The following TRAPPC9 variants were observed in gnomAD, a reference collection of about 807,000 sequenced individuals.
The protein encoded by TRAPPC9 is IKK2 binding protein.
TRAPPC9 carries 83 observed loss-of-function variants against 124.0 expected under a neutral mutation model. The observed-to-expected ratio is 0.67, with a 90% confidence interval of 0.56 to 0.80. TRAPPC9 has a LOEUF of 0.80. TRAPPC9 is among the 30% of genes least tolerant of loss of function. The probability of loss-of-function intolerance (pLI) is 0.00; values close to 1 mark genes in which losing one functional copy is unlikely to be tolerated. For missense variants in TRAPPC9, 1,302 were observed against 1,508.3 expected (o/e 0.86, Z 2.27); for synonymous variants, 638 against 617.5 (o/e 1.03, Z -0.49).
intron 21 of TRAPPC9, among the ~76,000 whole-genome samples, chr8:139,762,163 C>T (rs1820279626): frequency 6.6e-6 from 1 of 151,750 alleles, no homozygotes; most frequent in South Asian, 2.1e-4. Flanking sequence ...GGCCAGCTTT[C>T]AGCAGCCTGC....
chr8:140,431,681 A>C (rs942964919), intron 4 of TRAPPC9, among the ~76,000 whole-genome samples: 1 of 152,192 alleles, frequency 6.6e-6, no homozygotes, highest in Non-Finnish European at 1.5e-5. Context: ...TACAAAGCAG[A>C]AATTAGGAGC....
chr8:140,233,654 A>ACACACACAC (rs1563868284), intron 16 of TRAPPC9, among the ~76,000 whole-genome samples: 35 of 38,234 alleles, frequency 9.2e-4, no homozygotes, highest in African/African-American at 2.9e-3. Flanking sequence ...CACACACATA[A>ACACACACAC]ACACACCCTC....
intron 21 of TRAPPC9, among the ~76,000 whole-genome samples, chr8:139,824,400 T>C (rs1260844074): frequency 6.6e-6 from 1 of 152,128 alleles, no homozygotes; most frequent in African/African-American, 2.4e-5. Context: ...GGCTAAGGCC[T>C]TGGAGCTGCC....
At chr8:140,425,485 A>G (rs1188292142) in intron 5 of TRAPPC9, among the ~76,000 whole-genome samples, 1 of 152,156 alleles carries the variant, frequency 6.6e-6, no homozygotes, top group African/African-American at 2.4e-5. Flanking sequence ...ACCTCTACAC[A>G]ACCTTATCTT....
intron 17 of TRAPPC9, among the ~76,000 whole-genome samples, chr8:140,112,733 C>G (rs1156533152): frequency 6.6e-6 from 1 of 152,174 alleles, no homozygotes; most frequent in East Asian, 1.9e-4. Context: ...TTAGAGGCCC[C>G]TTTTAATAGG....
intron 17 of TRAPPC9, among the ~76,000 whole-genome samples, chr8:140,062,262 T>C (rs1354022619): frequency 1.3e-5 from 2 of 151,988 alleles, no homozygotes; most frequent in Non-Finnish European, 2.9e-5. Flanking sequence ...GTCATTCCCC[T>C]CCTCCGAGAT....
intron 9 of TRAPPC9, among the ~76,000 whole-genome samples, chr8:140,345,349 A>G (rs1379208999): frequency 6.6e-6 from 1 of 152,206 alleles, no homozygotes; most frequent in African/African-American, 2.4e-5. Context: ...GGCAGGAGCC[A>G]TCAATCCTAA....
chr8:139,757,209 G>A (rs1301959793), intron 21 of TRAPPC9, among the ~76,000 whole-genome samples: 1 of 141,918 alleles, frequency 7.0e-6, no homozygotes, highest in Non-Finnish European at 1.5e-5. Context: ...GAGGAGCCAG[G>A]GTTGGGGATG....
intron 1 of TRAPPC9, among the ~76,000 whole-genome samples, chr8:140,453,140 C>G (rs1431556294): frequency 1.3e-5 from 2 of 151,994 alleles, no homozygotes; most frequent in Non-Finnish European, 2.9e-5. Context: ...CTCTCTGTAT[C>G]AAATAAGAAA....
chr8:139,804,400 C>T (rs573902474), intron 21 of TRAPPC9, among the ~76,000 whole-genome samples: 2 of 128,826 alleles, frequency 1.6e-5, no homozygotes, highest in African/African-American at 6.0e-5. Flanking sequence ...CACCACCACA[C>T]ACACAACCAC....
chr8:140,408,498 T>C (rs955650594), intron 5 of TRAPPC9, among the ~76,000 whole-genome samples: 5 of 152,058 alleles, frequency 3.3e-5, no homozygotes, highest in Non-Finnish European at 7.4e-5. Context: ...GGTTTGCCTT[T>C]CTCTCCTAGA....
chr8:140,419,851 A>C (rs919865876), intron 5 of TRAPPC9, among the ~76,000 whole-genome samples: 1 of 152,038 alleles, frequency 6.6e-6, no homozygotes, highest in Admixed American at 6.6e-5. Flanking sequence ...GCGCCACTGC[A>C]CTCCAGATCG....
chr8:140,083,815 G>C (rs1325532724), intron 17 of TRAPPC9, among the ~76,000 whole-genome samples: 1 of 151,916 alleles, frequency 6.6e-6, no homozygotes, highest in Non-Finnish European at 1.5e-5. Context: ...TACAGGCACG[G>C]GCCACCACAT....
At chr8:139,850,695 C>A (rs1586984384) in intron 21 of TRAPPC9, among the ~76,000 whole-genome samples, 2 of 152,228 alleles carry the variant, frequency 1.3e-5, no homozygotes, top group East Asian at 3.9e-4. Flanking sequence ...GGCCATCTAC[C>A]CACTCATCAG....
intron 17 of TRAPPC9, among the ~76,000 whole-genome samples, chr8:140,133,831 T>C (rs2061246346): frequency 6.6e-6 from 1 of 151,268 alleles, no homozygotes; most frequent in South Asian, 2.1e-4. Flanking sequence ...TACCTAGGAA[T>C]AAATTTAACC....
chr8:139,814,286 G>A lies in TRAPPC9; in HGVS notation c.3055+71593C>T, dbSNP rs115193263. ...AGCCTCGAGCTGGGCCTGTTTCCAT[G>A]CCAATGGCCTTCCCCGTGGAGACAC... is the stretch of plus-strand genomic sequence containing the variant. On this transcript the variant is annotated intron_variant, in intron 21 of 22. Coordinates refer to ENST00000438773, the MANE Select transcript of TRAPPC9 (RefSeq NM_001160372.4). Among the ~76,000 whole-genome samples the A allele has an allele frequency of 1.6e-3, 246 of 152,340 alleles. 4 individuals carry two copies. Among genetic ancestry groups the A allele is most frequent in the Middle Eastern group, 6.8e-3 (2 of 294 alleles).
At chr8:140,042,210 TG>T (rs1841320019) in intron 17 of TRAPPC9, among the ~76,000 whole-genome samples, 1 of 19,716 alleles carries the variant, frequency 5.1e-5, no homozygotes, top group African/African-American at 1.9e-4. Context: ...AGTGTATGTG[TG>T]TGTGTGTGTG....
chr8:140,223,077 C>T (rs1460605818), intron 16 of TRAPPC9, among the ~76,000 whole-genome samples: 1 of 152,106 alleles, frequency 6.6e-6, no homozygotes, highest in African/African-American at 2.4e-5. Flanking sequence ...CATAGGTAAA[C>T]GTGTGCCATG....
intron 5 of TRAPPC9, among the ~76,000 whole-genome samples, chr8:140,416,565 A>G (rs1455448721): frequency 6.6e-6 from 1 of 152,194 alleles, no homozygotes; most frequent in Non-Finnish European, 1.5e-5. Flanking sequence ...AACAAAATAA[A>G]AGAGGACACA....
Sources: gnomAD v4.1 joint callset for allele counts (sites outside exome capture counted in the v4.1 genomes callset) on GRCh38, gnomAD v4.1.1 for gene constraint, MANE v1.5 for transcripts, NCBI Gene and HGNC (gene_info 2026-07-23, HGNC 2026-07-21) for gene names.